The following IL1RAPL1 variants were observed in gnomAD, a reference collection of about 807,000 sequenced individuals.
IL1RAPL1 encodes interleukin-1 receptor accessory protein-like 1.
A neutral mutation model predicts 48.4 loss-of-function variants in IL1RAPL1; 3 were observed. The ratio of observed to expected loss-of-function variants is 0.06; its 90% confidence interval spans 0.03 to 0.16. The LOEUF is 0.16. IL1RAPL1 is among the 10% of genes least tolerant of loss of function. IL1RAPL1 has a pLI of 1.00. For missense variants in IL1RAPL1, 349 were observed against 530.6 expected, an observed-to-expected ratio of 0.66 and a Z score of 3.36; for synonymous variants, 185 against 187.7, an observed-to-expected ratio of 0.99 and a Z score of 0.12.
rs753497904 is a variant in IL1RAPL1, at chrX:29,862,342, C to T, written c.779-55122C>T. On this transcript the variant is annotated intron_variant, in intron 6 of 10. Coordinates refer to ENST00000378993, the MANE Select transcript of IL1RAPL1 (RefSeq NM_014271.4). ...TTGGGGTGTGTAAAGGTACCTCTCA[C>T]TTATTCTCATTCTGAAAGTCTTTCA... is the stretch of plus-strand genomic sequence containing the variant. 2.7e-5 allele frequency among the ~76,000 whole-genome samples: 3 copies of T among 111,527 alleles called. No individual in the cohort carries two copies. In the South Asian group the frequency reaches 1.1e-3, roughly 42 times the overall value.
intron 2 of IL1RAPL1, among the ~76,000 whole-genome samples, chrX:28,882,730 C>T (rs1922534866): frequency 9.0e-6 from 1 of 111,447 alleles, no homozygotes; most frequent in South Asian, 3.8e-4. Context: ...TAGACCTGCC[C>T]TACATGAAAT....
chrX:29,638,331 C>T (rs1200076042), intron 5 of IL1RAPL1, among the ~76,000 whole-genome samples: 2 of 102,837 alleles, frequency 1.9e-5, no homozygotes, highest in African/African-American at 3.6e-5. Context: ...AGTGCAGTGG[C>T]ACAATCTCGG....
At chrX:29,558,322 T>C (rs1158155229) in intron 5 of IL1RAPL1, among the ~76,000 whole-genome samples, 1 of 112,165 alleles carries the variant, frequency 8.9e-6, no homozygotes, top group Non-Finnish European at 1.9e-5. Context: ...TGTTGATCAC[T>C]TGTATGTCTT....
chrX:29,596,104 C>T (rs1323674835), intron 5 of IL1RAPL1, among the ~76,000 whole-genome samples: 1 of 111,952 alleles, frequency 8.9e-6, no homozygotes, highest in Non-Finnish European at 1.9e-5. Context: ...TATTTTTATA[C>T]CAGTACCATG....
intron 6 of IL1RAPL1, among the ~76,000 whole-genome samples, chrX:29,680,498 C>A (rs897376026): frequency 9.0e-6 from 1 of 110,739 alleles, no homozygotes; most frequent in Admixed American, 9.6e-5. Flanking sequence ...GTGTGTCTCT[C>A]TCTCCTGTGA....
intron 5 of IL1RAPL1, among the ~76,000 whole-genome samples, chrX:29,552,802 C>CTTTTTTTT (rs765234944): frequency 6.8e-3 from 156 of 22,980 alleles, no homozygotes; most frequent in East Asian, 0.011. Context: ...TTTCACTCTC[C>CTTTTTTTT]TTTTTTTTTT....
chrX:28,841,224 G>A (rs12843701), intron 2 of IL1RAPL1, among the ~76,000 whole-genome samples: 9,621 of 110,038 alleles, frequency 0.087, 368 homozygotes, highest in Middle Eastern at 0.23. Flanking sequence ...CACTTATTAT[G>A]TTCACCACAA....
At chrX:29,721,334 C>G (rs1209619578) in intron 6 of IL1RAPL1, among the ~76,000 whole-genome samples, 1 of 111,809 alleles carries the variant, frequency 8.9e-6, no homozygotes, top group East Asian at 2.8e-4. Context: ...TCCCATCTCT[C>G]CAGCACCCAG....
At chrX:29,175,510 G>C (rs1200168325) in intron 2 of IL1RAPL1, among the ~76,000 whole-genome samples, 12 of 110,883 alleles carry the variant, frequency 1.1e-4, no homozygotes. Flanking sequence ...ATAGAAAAAT[G>C]AGAATTGCGA....
In IL1RAPL1 at chrX:29,828,673, T is replaced by C. The variant is rs576558005; in HGVS notation, c.779-88791T>C. On this transcript the variant is annotated intron_variant, in intron 6 of 10. Transcript: ENST00000378993. ...CTATTTTATCTGTAAGATTCTATTT[T>C]ATTTCTATGATATATAGCCCTGATG... is the stretch of plus-strand genomic sequence containing the variant. 3.5e-4 allele frequency among the ~76,000 whole-genome samples: 39 copies of C among 112,233 alleles called. No homozygotes were observed. The South Asian group carries it at 0.013, about 38-fold the overall frequency.
intron 5 of IL1RAPL1, among the ~76,000 whole-genome samples, chrX:29,551,757 A>C (rs1437003407): frequency 9.0e-6 from 1 of 110,505 alleles, no homozygotes; most frequent in Non-Finnish European, 1.9e-5. Flanking sequence ...CTAAAGAAAC[A>C]TTCTCAAGGT....
chrX:28,830,992 TTCTCTCTCTCTC>T (rs1160527555), intron 2 of IL1RAPL1, among the ~76,000 whole-genome samples: 5 of 16,060 alleles, frequency 3.1e-4, no homozygotes, highest in African/African-American at 1.4e-3. Flanking sequence ...TGCCCAGGGT[TTCTCTCTCTCTC>T]TCTCTCTCTC....
chrX:29,081,014 CTCTCTCTTTCTTTTCTTTTCTTTTCT>C (rs1296225470), intron 2 of IL1RAPL1, among the ~76,000 whole-genome samples: 15 of 67,476 alleles, frequency 2.2e-4, no homozygotes, highest in Non-Finnish European at 4.0e-4. Flanking sequence ...CTCTCTCTCT[CTCTCTCTTTCTTTTCTTTTCTTTTCT>C]TTTCTTTTCT....
rs982181857 is a variant in IL1RAPL1 at position 29,335,470 on chromosome X, T to C, written c.362+52253T>C. Among the ~76,000 whole-genome samples the C allele has an allele frequency of 1.1e-4, 12 of 109,649 alleles. No individual in the cohort carries two copies. The East Asian group carries it at 3.1e-3, about 29-fold the overall frequency. On this transcript the variant is annotated intron_variant, in intron 3 of 10. Coordinates refer to ENST00000378993, the MANE Select transcript of IL1RAPL1 (RefSeq NM_014271.4). ...CTTATAGCAGGTACTCAACTAATAT[T>C]GAATGAATTAAATGAAACAACTCTT...
At chrX:29,844,370 C>T (rs7061868) in intron 6 of IL1RAPL1, among the ~76,000 whole-genome samples, 8,964 of 111,001 alleles carry the variant, frequency 0.081, 880 homozygotes, top group African/African-American at 0.28. Context: ...TGAGGGGTGC[C>T]ATTTTATCAC....
chrX:29,830,544 G>A (rs1465162771), intron 6 of IL1RAPL1, among the ~76,000 whole-genome samples: 1 of 108,090 alleles, frequency 9.3e-6, no homozygotes, highest in East Asian at 2.9e-4. Flanking sequence ...CCGCCTCCTG[G>A]GTTCAAGCGA....
At chrX:29,316,906 C>T (rs1035726119) in intron 3 of IL1RAPL1, among the ~76,000 whole-genome samples, 4 of 110,753 alleles carry the variant, frequency 3.6e-5, no homozygotes, top group Non-Finnish European at 7.6e-5. Context: ...CTCTATTTTA[C>T]AATAACATTA....
At chrX:29,916,923 G>C (rs1240237303) in intron 6 of IL1RAPL1, among the ~76,000 whole-genome samples, 3 of 111,607 alleles carry the variant, frequency 2.7e-5, no homozygotes, top group Non-Finnish European at 5.6e-5. Flanking sequence ...CTATGTGTTA[G>C]CTTCTTTAAT....
intron 5 of IL1RAPL1, among the ~76,000 whole-genome samples, chrX:29,490,852 G>GTGTGTATATATATATATATATACGTA (rs1556022575): frequency 1.5e-4 from 14 of 93,615 alleles, no homozygotes; most frequent in Middle Eastern, 5.1e-3. Flanking sequence ...GTGTGTGTGT[G>GTGTGTATATATATATATATATACGTA]TATATATATA....
Sources: allele counts gnomAD v4.1 joint callset (sites outside exome capture counted in the v4.1 genomes callset), GRCh38; gene constraint gnomAD v4.1.1; transcripts MANE v1.5; gene names NCBI Gene and HGNC (gene_info 2026-07-23, HGNC 2026-07-21).